The following FKBP15 variants were observed in gnomAD, a reference collection of about 807,000 sequenced individuals.
FKBP15 encodes FKBP prolyl isomerase family member 15.
Under a neutral mutation model 158.1 loss-of-function variants are expected in FKBP15, and 106 were observed. The observed-to-expected ratio is 0.67, with a 90% confidence interval of 0.57 to 0.79. The LOEUF is 0.79. Among genes scored for constraint, FKBP15 ranks in the 30% least tolerant of loss-of-function variants. The pLI, the probability that FKBP15 is intolerant of heterozygous loss-of-function variation, is 0.00. For missense variants in FKBP15, 1,287 were observed against 1,479.1 expected, an observed-to-expected ratio of 0.87 and a Z score of 2.13; for synonymous variants, 547 against 548.6, an observed-to-expected ratio of 1.00 and a Z score of 0.04.
At position 113,190,577 on chromosome 9, in the gene FKBP15, C is replaced by G. The variant is rs776549920; in HGVS notation, c.1067G>C (p.Ser356Thr). The part of the protein sequence containing the change: ...SLSEQLAINT[S>T]PDAVKAKLIS... ...CAACTTGGCTTTGACTGCATCGGGA[C>G]TCTAAAAAGAGAGGAAAGTCACAAA... Residue 356 changes from serine (S) to threonine (T), a missense_variant and splice_region_variant, in exon 12 of 28, where the codon AGT becomes ACT. Coordinates refer to ENST00000238256, the MANE Select transcript of FKBP15 (RefSeq NM_015258.2). The G allele has an allele frequency of 1.6e-5, 26 of 1,605,716 alleles. No individual in the cohort carries two copies. In the African/African-American group the frequency reaches 3.1e-4, roughly 19 times the overall value.
At chr9:113,190,783 G>C (rs1830561272) in intron 11 of FKBP15, among the ~76,000 whole-genome samples, 1 of 152,168 alleles carries the variant, frequency 6.6e-6, no homozygotes, top group Non-Finnish European at 1.5e-5. Flanking sequence ...ATAATTCCCT[G>C]TATCTTTGGA....
intron 12 of FKBP15, 84 bp from the exon 13 acceptor site, chr9:113,188,575 T>A: frequency 9.3e-7 from 1 of 1,073,170 alleles, no homozygotes; most frequent in Non-Finnish European, 1.4e-6. Context: ...TAAACCTGCT[T>A]CCAACACAGG....
Position 113,199,866 on chromosome 9 carries a change from G to C in FKBP15, c.596C>G (p.Ser199Cys), listed in dbSNP as rs1444170766. Residue 199 changes from serine (S) to cysteine (C), a missense_variant, in exon 7 of 28, where the codon TCT (serine) becomes TGT (cysteine). By Grantham distance (112) the Ser-to-Cys change is moderately radical (BLOSUM62 -1). Coordinates refer to ENST00000238256, the MANE Select transcript of FKBP15 (RefSeq NM_015258.2). The part of the protein sequence containing the change: ...ADGPAVEVGD[S>C]LEVAYTGWLF... Reference sequence around the variant, plus strand: ...CCAGCCGGTATAGGCCACTTCCAAAGAATCTCCAACTTCTACAGCAGGGCC... The same window carrying C: ...CCAGCCGGTATAGGCCACTTCCAAACAATCTCCAACTTCTACAGCAGGGCC... 6.2e-7 allele frequency: 1 copy of C among 1,613,242 alleles called. No individual in the cohort carries two copies. The highest frequency in any genetic ancestry group is 1.7e-5 in the Admixed American group (1 of 59,926).
chr9:113,186,590 G>A, intron 14 of FKBP15: 2 of 507,562 alleles, frequency 3.9e-6, no homozygotes, highest in Middle Eastern at 5.2e-4. Context: ...AGAAACTGAA[G>A]AAAGTGTATC....
chr9:113,174,145 G>A (rs547751266), intron 22 of FKBP15, among the ~76,000 whole-genome samples: 51 of 152,164 alleles, frequency 3.4e-4, no homozygotes, highest in African/African-American at 1.2e-3. Context: ...ATGGTTGATG[G>A]TTTTGGCCTT....
chr9:113,209,029 T>A (rs1005533224), intron 2 of FKBP15, among the ~76,000 whole-genome samples: 46 of 137,562 alleles, frequency 3.3e-4, no homozygotes, highest in African/African-American at 1.2e-3. Flanking sequence ...AAAAAAAAAA[T>A]TCCCTTGAAC....
intron 1 of FKBP15, among the ~76,000 whole-genome samples, chr9:113,216,668 A>G (rs1831141323): frequency 6.6e-6 from 1 of 152,232 alleles, no homozygotes; most frequent in South Asian, 2.1e-4. Context: ...AGTTAAGATA[A>G]CATAGCTTAT....
chr9:113,189,947 AT>A (rs1170626620), intron 12 of FKBP15, among the ~76,000 whole-genome samples: 1 of 152,228 alleles, frequency 6.6e-6, no homozygotes, highest in Non-Finnish European at 1.5e-5. Flanking sequence ...CTTTCTAAGC[AT>A]AATGTCAAAA....
intron 23 of FKBP15, among the ~76,000 whole-genome samples, chr9:113,171,935 G>C (rs1167388543): frequency 6.6e-6 from 1 of 151,784 alleles, no homozygotes; most frequent in Non-Finnish European, 1.5e-5. Flanking sequence ...TGCCATGTTG[G>C]TGTGCTGCAC....
Position 113,163,779 on chromosome 9 carries a change from C to CATCTTTCTT in FKBP15, c.*2290_*2298dup, listed in dbSNP as rs1400808811. 6.6e-6 allele frequency: 1 copy of CATCTTTCTT among 152,626 alleles called. No homozygotes were observed. The allele number at this position is 152,626 out of a possible 1,614,324, so 9.5% of individuals were successfully genotyped here. On this transcript the variant is annotated 3_prime_UTR_variant, in exon 28 of 28. Coordinates refer to ENST00000238256, the MANE Select transcript of FKBP15 (RefSeq NM_015258.2). The stretch of plus-strand genomic sequence containing the variant: ...TGGCCTCAATGCCCTCCTTTATCCT[C>CATCTTTCTT]ATCTTTCTTCTATGCAGAACAAAAA...
chr9:113,182,791 C>T lies in FKBP15; in HGVS notation c.1889G>A (p.Arg630Lys), dbSNP rs887330931. 3.1e-6 allele frequency: 5 copies of T among 1,613,638 alleles called. No homozygotes were observed. The African/African-American group carries it at 6.7e-5, about 22-fold the overall frequency. The change falls in exon 19 of 28, where the codon AGA becomes AAA. Residue 630 changes from arginine (R) to lysine (K), a missense_variant. Physicochemically the swap from Arg to Lys is conservative, Grantham distance 26. Coordinates refer to ENST00000238256, the MANE Select transcript of FKBP15 (RefSeq NM_015258.2). Reference sequence around the variant, plus strand: ...CTTCTCTTGTTCAGCATGCAATACTCTTGCCTGTGTGTTTTCTGTGGCTGT... The same window carrying T: ...CTTCTCTTGTTCAGCATGCAATACTTTTGCCTGTGTGTTTTCTGTGGCTGT... ...LQTATENTQA[R>K]VLHAEQEKAK...
At chr9:113,176,330 T>C (rs1830299330) in intron 21 of FKBP15, among the ~76,000 whole-genome samples, 1 of 152,218 alleles carries the variant, frequency 6.6e-6, no homozygotes, top group Non-Finnish European at 1.5e-5. Context: ...GTTTTCTACA[T>C]ACAGAAAACA....
Position 113,178,688 on chromosome 9 carries a change from G to A in FKBP15, c.2028C>T (p.Ser676=), listed in dbSNP as rs758470743. The change falls in exon 20 of 28, where the codon AGC becomes AGT. Residue 676 remains serine (S), a synonymous_variant. Coordinates refer to ENST00000238256, the MANE Select transcript of FKBP15 (RefSeq NM_015258.2). ...CCCTGAGAAGATCTGTCTCCTTCAGGCTTTCTGTCAGCTGCATCTGCAGCT... is the reference window on the plus strand; with the variant it reads ...CCCTGAGAAGATCTGTCTCCTTCAGACTTTCTGTCAGCTGCATCTGCAGCT... ...ETELQMQLTE[S]LKETDLLRGQ... is the part of the protein sequence containing the mutation. 1.2e-6 allele frequency: 2 copies of A among 1,609,882 alleles called. No individual in the cohort carries two copies. The highest frequency in any genetic ancestry group is 8.5e-7 in the Non-Finnish European group (1 of 1,178,214).
intron 4 of FKBP15, among the ~76,000 whole-genome samples, chr9:113,205,501 AAATAAT>A (rs1233145840): frequency 6.6e-6 from 1 of 152,172 alleles, no homozygotes; most frequent in East Asian, 1.9e-4. Context: ...AAGAATTTAA[AAATAAT>A]AATAATAACA....
At chr9:113,214,329 T>G (rs974409154) in intron 1 of FKBP15, among the ~76,000 whole-genome samples, 1 of 152,204 alleles carries the variant, frequency 6.6e-6, no homozygotes, top group Non-Finnish European at 1.5e-5. Context: ...AGACCTGATC[T>G]GAGGTGCAGA....
At position 113,176,603 on chromosome 9, in the gene FKBP15, T is replaced by C. The variant is rs578246418; in HGVS notation, c.2157A>G (p.Glu719=). The change falls in exon 21 of 28, where the codon GAA becomes GAG. Residue 719 remains glutamate, a synonymous_variant. Coordinates refer to ENST00000238256, the MANE Select transcript of FKBP15 (RefSeq NM_015258.2). The part of the protein sequence containing the change: ...KSEKQNRKQL[E]LKVTSLEEEL... ...CCTCCTCCAGGGATGTCACCTTGAG[T>C]TCCAGTTGTTTCCGGTTCTGCTTTT... is the stretch of plus-strand genomic sequence containing the variant. The C allele has an allele frequency of 1.3e-6, 2 of 1,591,642 alleles. No individual in the cohort carries two copies. The highest frequency in any genetic ancestry group is 1.3e-5 in the African/African-American group (1 of 74,784).
intron 3 of FKBP15, 129 bp downstream of exon 3, chr9:113,207,083 C>A: frequency 1.4e-6 from 1 of 702,896 alleles, no homozygotes; most frequent in Admixed American, 2.3e-5. Flanking sequence ...GTTAAAAGTT[C>A]TACTGATATT....
intron 20 of FKBP15, 132 bp downstream of exon 20, chr9:113,178,498 T>C: frequency 1.2e-6 from 1 of 819,282 alleles, no homozygotes. Context: ...TTTATACTAG[T>C]CTCCTTTAAT....
chr9:113,165,665 C>A lies in FKBP15; in HGVS notation c.*413G>T, dbSNP rs1400388891. 6 of 173,678 alleles carry A rather than the reference C, an allele frequency of 3.5e-5. No individual in the cohort carries two copies. Among genetic ancestry groups the A allele is most frequent in the Non-Finnish European group, 7.5e-5 (6 of 80,516 alleles). The allele number at this position is 173,678 out of a possible 1,614,324, so 10.8% of individuals were successfully genotyped here. ...CTGGGATTTAGATGGTGTAATCTCC[C>A]TTAGTTCTACCAGGGAGACCTCAGC... On this transcript the variant is annotated 3_prime_UTR_variant, in exon 28 of 28. Coordinates refer to ENST00000238256, the MANE Select transcript of FKBP15 (RefSeq NM_015258.2).
Sources: allele counts gnomAD v4.1 joint callset (sites outside exome capture counted in the v4.1 genomes callset), GRCh38; gene constraint gnomAD v4.1.1; transcripts MANE v1.5; gene names NCBI Gene and HGNC (gene_info 2026-07-23, HGNC 2026-07-21).